Variants in TET3 observed in about 807,000 individuals in gnomAD.
TET3 encodes methylcytosine dioxygenase TET3.
A neutral mutation model predicts 141.4 loss-of-function variants in TET3; 19 were observed. The ratio of observed to expected loss-of-function variants is 0.13; its 90% CI spans 0.09 to 0.20. The LOEUF (loss-of-function observed/expected upper bound fraction) is 0.20, where lower values mean the gene tolerates loss of function less well. Among genes scored for constraint, TET3 ranks in the 10% least tolerant of loss-of-function variants. The pLI is 1.00. For missense variants in TET3, 1,874 were observed against 2,356.9 expected, an observed-to-expected ratio of 0.80 and a Z score of 4.24; for synonymous variants, 1,043 against 980.9, an observed-to-expected ratio of 1.06 and a Z score of -1.18.
intron 10 of TET3, among the ~76,000 whole-genome samples, 192 bp from the exon 11 acceptor site, chr2:74,099,084 G>C (rs534299823): frequency 6.6e-6 from 1 of 152,190 alleles, no homozygotes; most frequent in Non-Finnish European, 1.5e-5. Flanking sequence ...TGAGTGGACT[G>C]TAAATGCTGG....
chr2:73,984,379 C>G (rs1488096737), upstream of TET3, among the ~76,000 whole-genome samples: 2 of 152,210 alleles, frequency 1.3e-5, no homozygotes, highest in African/African-American at 4.8e-5. The surrounding 1 kb of genome is among the most constrained non-coding windows in gnomAD (Gnocchi z 5.6). Flanking sequence ...GCCGGCCAGG[C>G]TGACTCGGTA....
chr2:74,101,100 T>C lies in TET3; in HGVS notation c.4312T>C (p.Tyr1438His), dbSNP rs1558797012. Residue 1438 changes from tyrosine to histidine, a missense_variant, in exon 12 of 12, where the codon TAC (tyrosine) becomes CAC (histidine). By Grantham distance (83) the Tyr-to-His change is moderately conservative. Around this residue, in one of 10 missense-constraint regions of TET3, gnomAD observed 602 missense variants for 590.2 expected, o/e 1.02. Coordinates refer to ENST00000409262, the MANE Select transcript of TET3 (RefSeq NM_001287491.2). The surrounding 1 kb of genome is among the most constrained non-coding windows in gnomAD (Gnocchi z 8.5). ...AGGACCCAGTCACCTTTGGGGACAGTACTCAGGAGGCCCAAGCATGTCCCC... is the reference window on the plus strand; with the variant it reads ...AGGACCCAGTCACCTTTGGGGACAGCACTCAGGAGGCCCAAGCATGTCCCC... ...NGGPSHLWGQ[Y>H]SGGPSMSPKR... The C allele has an allele frequency of 6.2e-7, 1 of 1,613,332 alleles. No individual in the cohort carries two copies. The highest frequency in any genetic ancestry group is 1.3e-5 in the African/African-American group (1 of 75,050).
At chr2:74,061,268 T>C (rs1460460552) in intron 4 of TET3, among the ~76,000 whole-genome samples, 8 of 113,148 alleles carry the variant, frequency 7.1e-5, no homozygotes, top group Non-Finnish European at 9.0e-5. Context: ...CCCTCCCGGA[T>C]GGGGCGGCTG....
chr2:74,129,462 G>A, the TET3 span, among the ~76,000 whole-genome samples: 898 of 145,502 alleles, frequency 6.2e-3, 11 homozygotes, highest in African/African-American at 0.021. Flanking sequence ...GTGAAACCTC[G>A]TCTCTACAAA....
At chr2:74,127,725 T>C in the TET3 span, among the ~76,000 whole-genome samples, 2 of 151,988 alleles carry the variant, frequency 1.3e-5, no homozygotes, top group Non-Finnish European at 2.9e-5. Context: ...TTGTGCAAAT[T>C]TGATTCGGAA....
intron 3 of TET3, among the ~76,000 whole-genome samples, chr2:74,004,526 A>G (rs1173770372): frequency 6.6e-6 from 1 of 152,168 alleles, no homozygotes; most frequent in Non-Finnish European, 1.5e-5. Flanking sequence ...GAGGCAAGTA[A>G]GTGCTTGGGG....
intron 3 of TET3, among the ~76,000 whole-genome samples, chr2:74,010,486 G>C (rs1685373269): frequency 6.6e-6 from 1 of 152,348 alleles, no homozygotes; most frequent in Admixed American, 6.5e-5. Flanking sequence ...CCAGGGACTG[G>C]TCCCTCTGGT....
chr2:74,123,751 G>T, the TET3 span, among the ~76,000 whole-genome samples: 186 of 151,708 alleles, frequency 1.2e-3, no homozygotes, highest in South Asian at 3.4e-3. Flanking sequence ...CCTTCTGACC[G>T]GCTGCCCAGT....
chr2:74,000,172 G>C (rs1033964795), intron 2 of TET3, among the ~76,000 whole-genome samples: 3 of 152,190 alleles, frequency 2.0e-5, no homozygotes, highest in African/African-American at 7.2e-5. Flanking sequence ...TCCCAGGACA[G>C]CGGGTGTCTC....
At chr2:74,072,389 A>G (rs972981906) in intron 4 of TET3, among the ~76,000 whole-genome samples, 3 of 152,030 alleles carry the variant, frequency 2.0e-5, no homozygotes, top group Admixed American at 6.6e-5. Flanking sequence ...GTGCATGCCT[A>G]TAATCCCAGC....
chr2:74,041,063 A>G (rs1226566332), intron 3 of TET3, among the ~76,000 whole-genome samples: 2 of 152,114 alleles, frequency 1.3e-5, no homozygotes, highest in African/African-American at 4.8e-5. Flanking sequence ...CCTGCCGATA[A>G]TTGCCAAATA....
intron 3 of TET3, among the ~76,000 whole-genome samples, chr2:74,011,457 G>A (rs1300904296): frequency 6.6e-6 from 1 of 152,204 alleles, no homozygotes; most frequent in Non-Finnish European, 1.5e-5. Context: ...TGGGCCTAGA[G>A]GGCTTCAGCT....
At chr2:73,990,809 G>C (rs1000673896) in intron 2 of TET3, among the ~76,000 whole-genome samples, 2 of 152,184 alleles carry the variant, frequency 1.3e-5, no homozygotes, top group Non-Finnish European at 2.9e-5. Context: ...CATCCTGCTG[G>C]TAGTTCTATC....
Position 74,046,732 on chromosome 2 carries a change from G to A in TET3, c.815G>A (p.Cys272Tyr). 6.2e-7 allele frequency: 1 copy of A among 1,613,906 alleles called. No individual in the cohort carries two copies. Among genetic ancestry groups the A allele is most frequent in the Non-Finnish European group, 8.5e-7 (1 of 1,179,876 alleles). Reference protein sequence around the residue: ...LARHGMKPPNCNCDGPECPDY... With the variant: ...LARHGMKPPNYNCDGPECPDY... The stretch of plus-strand genomic sequence containing the variant: ...CGGCATGGTATGAAACCACCCAACT[G>A]CAACTGCGATGGCCCAGAATGCCCT... The change falls in exon 4 of 12, where the codon TGC (cysteine) becomes TAC (tyrosine). Residue 272 changes from cysteine (C) to tyrosine (Y), a missense_variant. Transcript: ENST00000409262. The surrounding 1 kb of genome is among the most constrained non-coding windows in gnomAD (Gnocchi z 4.3).
rs1004346756 is a variant in TET3 at position 73,985,061 on chromosome 2, AGGC to A, written c.-505_-503del. The stretch of plus-strand genomic sequence containing the variant: ...GGGCGCTCCGGGAGGCGGGAGCCCC[AGGC>A]GGCGGCGGCGGCGGCCGCGACGGTG... On this transcript the variant is annotated 5_prime_UTR_variant, in exon 1 of 12. Transcript: ENST00000409262. 16 of 144,920 alleles carry A rather than the reference AGGC, an allele frequency of 1.1e-4. No homozygotes were observed. Among genetic ancestry groups the A allele is most frequent in the South Asian group, 1.8e-4 (1 of 5,462 alleles). 9.0% of individuals were successfully genotyped at this position (144,920 alleles called of 1,614,324 possible).
At chr2:74,124,156 T>A in the TET3 span, among the ~76,000 whole-genome samples, 2 of 149,414 alleles carry the variant, frequency 1.3e-5, no homozygotes, top group Admixed American at 6.6e-5. Flanking sequence ...AGCCGCCCCA[T>A]CTGGGAGGGA....
intron 5 of TET3, among the ~76,000 whole-genome samples, chr2:74,075,189 A>G (rs760007783): frequency 9.2e-5 from 14 of 152,128 alleles, no homozygotes; most frequent in Non-Finnish European, 2.1e-4. Flanking sequence ...TTTTAATAAT[A>G]AAAGCTAAGA....
chr2:74,092,654 A>G (rs1056572425), intron 8 of TET3, among the ~76,000 whole-genome samples: 1 of 152,226 alleles, frequency 6.6e-6, no homozygotes, highest in African/African-American at 2.4e-5. Context: ...AAGGAGCAGT[A>G]GTTTAGCAGT....
At chr2:74,052,439 T>C (rs534027166) in intron 4 of TET3, among the ~76,000 whole-genome samples, 2 of 151,188 alleles carry the variant, frequency 1.3e-5, no homozygotes, top group Admixed American at 6.6e-5. Context: ...TATAGGTTAA[T>C]ATAAGGAAGA....
Sources: gnomAD v4.1 joint callset for allele counts (sites outside exome capture counted in the v4.1 genomes callset) on GRCh38, gnomAD v4.1.1 for gene constraint, gnomAD v4.1.1 regional missense constraint, Gnocchi (gnomAD v3.1) non-coding constraint, MANE v1.5 for transcripts, NCBI Gene and HGNC (gene_info 2026-07-23, HGNC 2026-07-21) for gene names.